NINL: variants seen among roughly 807,000 people sequenced by gnomAD.
The protein encoded by NINL is ninein like.
Under a neutral mutation model 160.3 loss-of-function variants are expected in NINL, and 153 were observed. The ratio of observed to expected loss-of-function variants is 0.95; its 90% CI spans 0.84 to 1.09. The LOEUF is 1.09. Ranked by LOEUF, NINL falls within the 50% of genes least tolerant of loss-of-function variation. The pLI is 0.00. For missense variants in NINL, 1,829 were observed against 1,764.0 expected (o/e 1.04, Z -0.66); for synonymous variants, 800 against 734.8 (o/e 1.09, Z -1.43).
At chr20:25,494,960 C>T (rs939728869) in intron 10 of NINL, among the ~76,000 whole-genome samples, 2 of 152,200 alleles carry the variant, frequency 1.3e-5, no homozygotes, top group Admixed American at 6.5e-5. Context: ...CACACACGCA[C>T]GCTCACTGCT....
chr20:25,582,275 C>T (rs1391004405), intron 1 of NINL, among the ~76,000 whole-genome samples: 2 of 152,022 alleles, frequency 1.3e-5, no homozygotes, highest in Non-Finnish European at 2.9e-5. Flanking sequence ...AACAAACAAA[C>T]AAAAAACAAA....
At chr20:25,492,900 C>G (rs1308182647) in intron 10 of NINL, among the ~76,000 whole-genome samples, 1 of 152,164 alleles carries the variant, frequency 6.6e-6, no homozygotes, top group East Asian at 1.9e-4. Flanking sequence ...ACATGTATCA[C>G]TCATTACATT....
chr20:25,490,071 T>C (rs916987791), intron 11 of NINL, 86 bp from the exon 12 acceptor site: 69 of 1,196,486 alleles, frequency 5.8e-5, no homozygotes, highest in Non-Finnish European at 7.2e-5. Context: ...TTGCTTCTCA[T>C]AGGACTGGGC....
At chr20:25,509,999 C>G (rs941282136) in intron 5 of NINL, among the ~76,000 whole-genome samples, 3 of 152,258 alleles carry the variant, frequency 2.0e-5, no homozygotes, top group Non-Finnish European at 4.4e-5. Context: ...GGTGAGGGAG[C>G]TGAAGTCTCA....
chr20:25,551,291 C>CA (rs1397671497), intron 1 of NINL, among the ~76,000 whole-genome samples: 5 of 152,046 alleles, frequency 3.3e-5, no homozygotes, highest in African/African-American at 1.2e-4. Context: ...CCATTTTCTA[C>CA]ATAGACACAG....
At chr20:25,514,124 G>A (rs1342439193) in intron 3 of NINL, among the ~76,000 whole-genome samples, 1 of 152,202 alleles carries the variant, frequency 6.6e-6, no homozygotes, top group African/African-American at 2.4e-5. Flanking sequence ...TTGTTAAACT[G>A]ATGTGACCAA....
chr20:25,499,862 T>C lies in NINL; in HGVS notation c.1032+978A>G, dbSNP rs796713448. On this transcript the variant is annotated intron_variant, in intron 8 of 23. Transcript: ENST00000278886. ...TGGCACAGCAGCAAGAGGACATCGT[T>C]GCATTATAAATGCCCAGATTTATCA... Among the ~76,000 whole-genome samples, 23 of 148,104 alleles carry C rather than the reference T, an allele frequency of 1.6e-4. 1 individual carries two copies. The highest frequency in any genetic ancestry group is 5.3e-4 in the African/African-American group (21 of 39,350).
chr20:25,520,465 T>C (rs551642722), intron 2 of NINL, among the ~76,000 whole-genome samples: 115 of 152,306 alleles, frequency 7.6e-4, no homozygotes, highest in East Asian at 1.7e-3. Context: ...TGTATTACTA[T>C]CTGACATTAA....
chr20:25,547,525 AC>A (rs2064750714), intron 1 of NINL, among the ~76,000 whole-genome samples: 1 of 152,114 alleles, frequency 6.6e-6, no homozygotes, highest in Non-Finnish European at 1.5e-5. Context: ...TGAGCCCTTA[AC>A]CTATGGGGTC....
At chr20:25,555,859 G>C (rs1275634509) in intron 1 of NINL, among the ~76,000 whole-genome samples, 5 of 152,226 alleles carry the variant, frequency 3.3e-5, no homozygotes, top group African/African-American at 2.4e-5. Context: ...ATTTTTAGTA[G>C]AGACAGGGTT....
chr20:25,517,269 A>AC (rs2064177872), intron 3 of NINL, among the ~76,000 whole-genome samples: 1 of 151,550 alleles, frequency 6.6e-6, no homozygotes, highest in Non-Finnish European at 1.5e-5. Flanking sequence ...GGAAAGAGCC[A>AC]CCCCCATTTC....
At chr20:25,561,250 G>C (rs1405529244) in intron 1 of NINL, among the ~76,000 whole-genome samples, 2 of 152,160 alleles carry the variant, frequency 1.3e-5, no homozygotes, top group Admixed American at 1.3e-4. Context: ...TGTTGGCCGG[G>C]CTGGTCTCCA....
At chr20:25,499,469 C>T (rs390123) in intron 8 of NINL, among the ~76,000 whole-genome samples, 2 of 152,050 alleles carry the variant, frequency 1.3e-5, no homozygotes, top group Non-Finnish European at 1.5e-5. Flanking sequence ...TCAGAGCCAG[C>T]GCACAGCAGC....
rs1600999003 is a variant in NINL, at chr20:25,462,420, T to C, written c.3545A>G (p.Gln1182Arg). The C allele has an allele frequency of 6.2e-7, 1 of 1,614,142 alleles. No homozygotes were observed. Among genetic ancestry groups the C allele is most frequent in the East Asian group, 2.2e-5 (1 of 44,876 alleles). Residue 1182 changes from glutamine to arginine, a missense_variant, in exon 20 of 24, where the codon CAG (glutamine) becomes CGG (arginine). By Grantham distance (43) the Gln-to-Arg change is conservative (BLOSUM62 1). Transcript: ENST00000278886. ...ACTGCGAACCACCTCCTCCAGGCTC[T>C]GTGTTAACATCTGAATGGTCACACG... The part of the protein sequence containing the change: ...EHRVTIQMLT[Q>R]SLEEVVRSGQ...
At chr20:25,536,717 CA>C (rs1219716078) in intron 1 of NINL, among the ~76,000 whole-genome samples, 291 of 132,458 alleles carry the variant, frequency 2.2e-3, no homozygotes, top group Non-Finnish European at 2.5e-3. Flanking sequence ...AGACTGTCTC[CA>C]AAAAAAAAAA....
intron 1 of NINL, among the ~76,000 whole-genome samples, chr20:25,578,430 G>A (rs1401533950): frequency 2.6e-5 from 4 of 151,902 alleles, no homozygotes; most frequent in African/African-American, 4.8e-5. Context: ...TTCCATGGGC[G>A]CACACACGCA....
intron 1 of NINL, among the ~76,000 whole-genome samples, chr20:25,532,297 C>T (rs1230934118): frequency 6.6e-6 from 1 of 152,194 alleles, no homozygotes; most frequent in Non-Finnish European, 1.5e-5. Flanking sequence ...CGAGGCTGGG[C>T]TAGGATTTCC....
chr20:25,527,464 T>C (rs903860467), intron 1 of NINL, among the ~76,000 whole-genome samples: 1 of 152,190 alleles, frequency 6.6e-6, no homozygotes, highest in African/African-American at 2.4e-5. Context: ...AGATTAATTT[T>C]TCTGTACACA....
intron 1 of NINL, among the ~76,000 whole-genome samples, chr20:25,551,441 T>C (rs1316156654): frequency 6.7e-6 from 1 of 149,866 alleles, no homozygotes; most frequent in South Asian, 2.1e-4. Flanking sequence ...CTAACAGATG[T>C]AGAAAAAAGA....
Sources: gnomAD v4.1 joint callset for allele counts (sites outside exome capture counted in the v4.1 genomes callset) on GRCh38, gnomAD v4.1.1 for gene constraint, MANE v1.5 for transcripts, NCBI Gene and HGNC (gene_info 2026-07-23, HGNC 2026-07-21) for gene names.